Variants in TDRD5 observed in about 807,000 individuals in gnomAD.
The protein encoded by TDRD5 is tudor domain-containing protein 5.
Under a neutral mutation model 120.6 loss-of-function variants are expected in TDRD5, and 41 were observed. The observed-to-expected ratio is 0.34, with a 90% CI of 0.26 to 0.44. TDRD5 has a LOEUF of 0.44. Among genes scored for constraint, TDRD5 ranks in the 20% least tolerant of loss-of-function variants. The pLI is 1.00. For synonymous variants in TDRD5, 430 were observed against 433.7 expected (o/e 0.99, Z 0.11); for missense variants, 1,006 against 1,221.2 (o/e 0.82, Z 2.63).
chr1:179,653,060 A>G (rs560884441), intron 13 of TDRD5, among the ~76,000 whole-genome samples: 1 of 152,312 alleles, frequency 6.6e-6, no homozygotes, highest in Admixed American at 6.5e-5. Flanking sequence ...AGCATTTTGG[A>G]TAAGGGATAC....
At chr1:179,660,303 T>G (rs1679241793) in intron 14 of TDRD5, among the ~76,000 whole-genome samples, 2 of 143,832 alleles carry the variant, frequency 1.4e-5, no homozygotes, top group East Asian at 2.3e-4. Flanking sequence ...CACTGCAAGC[T>G]CTGCCTCTCA....
chr1:179,628,142 G>T (rs1195800005), intron 6 of TDRD5, among the ~76,000 whole-genome samples: 1 of 152,028 alleles, frequency 6.6e-6, no homozygotes, highest in Non-Finnish European at 1.5e-5. Flanking sequence ...TAAAGTGTTT[G>T]TACTGCAAGA....
rs749710599 is a variant in TDRD5, at chr1:179,663,506, C to A, written c.2649+15C>A. 1 of 1,600,458 alleles carries A rather than the reference C, an allele frequency of 6.2e-7. No homozygotes were observed. Among genetic ancestry groups the A allele is most frequent in the East Asian group, 2.2e-5 (1 of 44,668 alleles). ...GGACTCAAAAGGTAAATGTCTAATG[C>A]AGGTTATTGGGACAGGTTTGCATAA... On this transcript the variant is annotated intron_variant, in intron 16 of 17. Coordinates refer to ENST00000444136, the MANE Select transcript of TDRD5 (RefSeq NM_001199085.3).
At chr1:179,641,572 A>G (rs1040479487) in intron 11 of TDRD5, among the ~76,000 whole-genome samples, 3 of 152,128 alleles carry the variant, frequency 2.0e-5, no homozygotes, top group African/African-American at 7.2e-5. Flanking sequence ...AAAATTACCT[A>G]TAATTCCACC....
chr1:179,683,849 GT>G (rs1446291939), intron 17 of TDRD5, among the ~76,000 whole-genome samples: 2 of 152,044 alleles, frequency 1.3e-5, no homozygotes, highest in African/African-American at 4.8e-5. Context: ...GAAGCAATGT[GT>G]TGGTTTAGAT....
rs569912488 is a variant in TDRD5 at position 179,607,546 on chromosome 1, A to G, written c.832-11053A>G. ...CCACTTTATCTTTTTTATTATCTAT[A>G]TTTTTCTGTTTTATATTTTTAGTGG... On this transcript the variant is annotated intron_variant, in intron 4 of 17. Coordinates refer to ENST00000444136, the MANE Select transcript of TDRD5 (RefSeq NM_001199085.3). Among the ~76,000 whole-genome samples, 4 of 151,472 alleles carry G rather than the reference A, an allele frequency of 2.6e-5. No individual in the cohort carries two copies. The East Asian group carries it at 5.8e-4, about 22-fold the overall frequency.
intron 15 of TDRD5, among the ~76,000 whole-genome samples, chr1:179,662,596 T>TA (rs200782818): frequency 1.0e-4 from 15 of 150,178 alleles, no homozygotes; most frequent in East Asian, 1.9e-4. Context: ...AGACCCTATC[T>TA]AAAAAAAAAT....
intron 4 of TDRD5, 98 bp from the exon 5 acceptor site, chr1:179,618,501 C>A: frequency 1.3e-6 from 1 of 742,424 alleles, no homozygotes. Context: ...CAATATGTCT[C>A]CTTTTATAGA....
intron 5 of TDRD5, among the ~76,000 whole-genome samples, chr1:179,619,003 C>G (rs568996096): frequency 6.6e-6 from 1 of 152,118 alleles, no homozygotes; most frequent in Admixed American, 6.5e-5. Flanking sequence ...AATATTGTTC[C>G]AATGTGTGTT....
chr1:179,595,894 A>G (rs760846313), intron 4 of TDRD5, 76 bp downstream of exon 4: 13 of 1,393,666 alleles, frequency 9.3e-6, no homozygotes, highest in Non-Finnish European at 1.1e-5. Flanking sequence ...GATCTGATGG[A>G]AAAGTTGACC....
chr1:179,618,524 A>G (rs1158474672), intron 4 of TDRD5, 75 bp from the exon 5 acceptor site: 4 of 1,062,290 alleles, frequency 3.8e-6, no homozygotes, highest in Non-Finnish European at 5.5e-6. Flanking sequence ...TTTTCTTTAC[A>G]TATTGCTTAG....
At chr1:179,593,366 T>C in intron 2 of TDRD5, 94 bp from the exon 3 acceptor site, 1 of 1,363,860 alleles carries the variant, frequency 7.3e-7, no homozygotes, top group Admixed American at 2.5e-5. Flanking sequence ...AAACAGCTCC[T>C]TGGAGAGTTA....
rs755721033 is a variant in TDRD5, at chr1:179,592,767, G to A, written c.152G>A (p.Arg51Gln). The A allele has an allele frequency of 1.9e-6, 3 of 1,614,126 alleles. No homozygotes were observed. The highest frequency in any genetic ancestry group is 2.2e-5 in the South Asian group (2 of 91,076). ...CTACCACTCCGAATCCTTGGGTATC[G>A]GTCCACTATGGAGCTGGTATTGGAC... ...NHLPLRILGY[R>Q]STMELVLDMP... The change falls in exon 2 of 18, where the codon CGG (arginine) becomes CAG (glutamine). Residue 51 changes from arginine to glutamine, a missense_variant. By Grantham distance (43) the Arg-to-Gln change is conservative. This residue lies in a region of TDRD5 where 445 missense variants were observed against 515.5 expected (regional missense o/e 0.86). Transcript: ENST00000444136.
At chr1:179,610,805 CT>C (rs1430993854) in intron 4 of TDRD5, among the ~76,000 whole-genome samples, 2 of 151,938 alleles carry the variant, frequency 1.3e-5, no homozygotes, top group African/African-American at 2.4e-5. Context: ...TCCTTTCAGA[CT>C]TTTTTTCTAT....
intron 17 of TDRD5, among the ~76,000 whole-genome samples, chr1:179,673,107 A>C (rs895720563): frequency 6.6e-6 from 1 of 151,990 alleles, no homozygotes; most frequent in Non-Finnish European, 1.5e-5. Context: ...ATGAATTTTA[A>C]GATTGTTTTT....
At chr1:179,620,136 T>C (rs1558383981) in intron 5 of TDRD5, among the ~76,000 whole-genome samples, 1 of 152,204 alleles carries the variant, frequency 6.6e-6, no homozygotes. Flanking sequence ...TATAAAACCA[T>C]GAATAACATG....
rs1474805798 is a variant in TDRD5, at chr1:179,592,593, T to C, written c.-14-9T>C. On this transcript the variant is annotated splice_polypyrimidine_tract_variant and intron_variant, in intron 1 of 17. Transcript: ENST00000444136. ...GCCCCCTTTTCCTCAGCTGCGTTTC[T>C]GTCTTCAGTCCTGTAGGGCACAATG... is the stretch of plus-strand genomic sequence containing the variant. 1 of 1,606,686 alleles carries C rather than the reference T, an allele frequency of 6.2e-7. No individual in the cohort carries two copies. The highest frequency in any genetic ancestry group is 1.1e-5 in the South Asian group (1 of 90,630).
intron 4 of TDRD5, among the ~76,000 whole-genome samples, chr1:179,613,722 CT>C (rs1271301556): frequency 2.6e-5 from 4 of 152,184 alleles, no homozygotes; most frequent in Non-Finnish European, 5.9e-5. Context: ...TCATGGGGGC[CT>C]TTCCCTCATG....
chr1:179,650,023 A>T (rs1572398235), intron 11 of TDRD5, among the ~76,000 whole-genome samples: 1 of 152,180 alleles, frequency 6.6e-6, no homozygotes, highest in Non-Finnish European at 1.5e-5. Flanking sequence ...CTGAGAGTGT[A>T]TCTCCTTAGG....
Sources: allele counts gnomAD v4.1 joint callset (sites outside exome capture counted in the v4.1 genomes callset), GRCh38; gene constraint gnomAD v4.1.1; regional missense constraint gnomAD v4.1.1; transcripts MANE v1.5; gene names NCBI Gene and HGNC (gene_info 2026-07-23, HGNC 2026-07-21).